The following CEP135 variants were observed in gnomAD, a reference collection of about 807,000 sequenced individuals.
The protein encoded by CEP135 is centrosomal protein 135, also known as centrosomal protein of 135 kDa.
Under a neutral mutation model 157.3 loss-of-function variants are expected in CEP135, and 142 were observed. The ratio of observed to expected loss-of-function variants is 0.90; its 90% CI spans 0.79 to 1.04. The LOEUF (loss-of-function observed/expected upper bound fraction) is 1.04. CEP135 is among the 50% of genes least tolerant of loss of function. The pLI, the probability that CEP135 is intolerant of heterozygous loss-of-function variation, is 0.00. For synonymous variants in CEP135, 396 were observed against 439.8 expected (o/e 0.90, Z 1.25); for missense variants, 1,317 against 1,309.2 (o/e 1.01, Z -0.09).
rs1728408312 is a variant in CEP135, at chr4:55,953,101, A to G, written c.130A>G (p.Thr44Ala). Reference sequence around the variant, plus strand: ...TTCTTTTAGCGACTTAGTTCATACAACTGAGAGCCTTCGGCAATCAAAATT... The same window carrying G: ...TTCTTTTAGCGACTTAGTTCATACAGCTGAGAGCCTTCGGCAATCAAAATT... ...EKLFSDLVHTTESLRQSKLSA... is the reference protein window; with the variant it reads ...EKLFSDLVHTAESLRQSKLSA... Residue 44 changes from threonine to alanine, a missense_variant, in exon 3 of 26, where the codon ACT becomes GCT. Physicochemically the swap from Thr to Ala is moderately conservative, Grantham distance 58. Coordinates refer to ENST00000257287, the MANE Select transcript of CEP135 (RefSeq NM_025009.5). 1.3e-6 allele frequency: 2 copies of G among 1,586,380 alleles called. No individual in the cohort carries two copies. Among genetic ancestry groups the G allele is most frequent in the South Asian group, 2.3e-5 (2 of 85,444 alleles).
chr4:56,019,708 G>A (rs541081777), intron 23 of CEP135, among the ~76,000 whole-genome samples, 153 bp downstream of exon 23: 11 of 152,104 alleles, frequency 7.2e-5, no homozygotes, highest in Non-Finnish European at 1.5e-4. Flanking sequence ...GGCCAAGGCG[G>A]GTAGATTGCC....
At chr4:56,008,406 C>G in intron 18 of CEP135, 24 bp downstream of exon 18, 4 of 1,581,518 alleles carry the variant, frequency 2.5e-6, no homozygotes. Flanking sequence ...GAAATTACAT[C>G]CAGCTTTTTA....
intron 14 of CEP135, among the ~76,000 whole-genome samples, chr4:55,985,917 G>A (rs894599219): frequency 2.6e-5 from 4 of 152,098 alleles, no homozygotes; most frequent in African/African-American, 9.7e-5. Flanking sequence ...TCCAGCCTGG[G>A]CAACAGAGCA....
chr4:55,999,379 C>T lies in CEP135; in HGVS notation c.2087C>T (p.Ser696Leu). The T allele has an allele frequency of 6.2e-7, 1 of 1,614,160 alleles. No individual in the cohort carries two copies. The highest frequency in any genetic ancestry group is 8.5e-7 in the Non-Finnish European group (1 of 1,180,018). Residue 696 changes from serine (S) to leucine (L), a missense_variant, in exon 16 of 26, where the codon TCA becomes TTA. Ser to Leu is a moderately radical substitution (Grantham distance 145). Transcript: ENST00000257287. ...TCCATAAAAAGAGGTGAACTTGAAT[C>T]AGCCCAAGCACAAATTAAAATACTG... ...RLSIKRGELESAQAQIKILEE... is the reference protein window; with the variant it reads ...RLSIKRGELELAQAQIKILEE...
At chr4:56,002,251 T>C (rs1335150701) in intron 17 of CEP135, among the ~76,000 whole-genome samples, 1 of 152,044 alleles carries the variant, frequency 6.6e-6, no homozygotes, top group Non-Finnish European at 1.5e-5. Context: ...TCTTGACTAA[T>C]TGTTCTGGCC....
chr4:55,954,588 T>G (rs1354799577), intron 4 of CEP135, among the ~76,000 whole-genome samples: 3 of 152,210 alleles, frequency 2.0e-5, no homozygotes, highest in Admixed American at 6.5e-5. Flanking sequence ...ATGTATGTAG[T>G]ATTAGTTACT....
chr4:56,005,273 A>G (rs1730315850), intron 17 of CEP135, among the ~76,000 whole-genome samples: 1 of 152,070 alleles, frequency 6.6e-6, no homozygotes, highest in Non-Finnish European at 1.5e-5. Flanking sequence ...CTACAAAAAT[A>G]AAAAAATTAG....
At chr4:55,982,612 AT>A in intron 13 of CEP135, among the ~76,000 whole-genome samples, 1 of 152,262 alleles carries the variant, frequency 6.6e-6, no homozygotes, top group Non-Finnish European at 1.5e-5. Context: ...CGATTTTTAA[AT>A]TGGGTTGTCT....
chr4:55,978,396 AAGG>A (rs1386754963), intron 11 of CEP135, among the ~76,000 whole-genome samples: 1 of 152,232 alleles, frequency 6.6e-6, no homozygotes, highest in Non-Finnish European at 1.5e-5. Context: ...GAGTATATAG[AAGG>A]AGATCTAAAT....
At chr4:55,970,774 G>A (rs758456942) in intron 9 of CEP135, among the ~76,000 whole-genome samples, 7 of 152,090 alleles carry the variant, frequency 4.6e-5, no homozygotes, top group Admixed American at 6.5e-5. Flanking sequence ...AGTACTTACC[G>A]TGGTGGACAT....
intron 24 of CEP135, among the ~76,000 whole-genome samples, chr4:56,024,281 C>G (rs1242547407): frequency 6.7e-6 from 1 of 149,876 alleles, no homozygotes; most frequent in Non-Finnish European, 1.5e-5. Context: ...TAAAATAATA[C>G]CTTAGAAGCA....
At chr4:56,026,634 C>G (rs1307757320) in intron 25 of CEP135, among the ~76,000 whole-genome samples, 1 of 152,120 alleles carries the variant, frequency 6.6e-6, no homozygotes, top group Non-Finnish European at 1.5e-5. Context: ...ACAAATAGTG[C>G]TATGGTTATA....
chr4:56,029,139 C>T (rs746077776), intron 25 of CEP135, among the ~76,000 whole-genome samples: 1 of 152,208 alleles, frequency 6.6e-6, no homozygotes, highest in Non-Finnish European at 1.5e-5. Flanking sequence ...GGCAAATTAT[C>T]AGGAAAGCAG....
intron 23 of CEP135, among the ~76,000 whole-genome samples, chr4:56,019,781 C>T (rs1371357017): frequency 7.2e-6 from 1 of 139,232 alleles, no homozygotes; most frequent in East Asian, 2.1e-4. Flanking sequence ...ACTAAAAATA[C>T]AAAAAAAAAA....
chr4:55,950,260 T>C (rs1418047549), intron 1 of CEP135, among the ~76,000 whole-genome samples: 1 of 152,206 alleles, frequency 6.6e-6, no homozygotes, highest in Non-Finnish European at 1.5e-5. Context: ...AAGAGTTACT[T>C]TCTTGAGGCA....
At chr4:55,994,100 C>T (rs553565296) in intron 15 of CEP135, among the ~76,000 whole-genome samples, 15 of 152,194 alleles carry the variant, frequency 9.9e-5, no homozygotes, top group East Asian at 5.8e-4. Flanking sequence ...AAGTCTAAAG[C>T]GAAACCAAAT....
In CEP135 at chr4:56,017,820, C is replaced by T. The variant is rs935772992; in HGVS notation, c.2975C>T (p.Thr992Ile). The T allele has an allele frequency of 6.2e-7, 1 of 1,613,186 alleles. No homozygotes were observed. The highest frequency in any genetic ancestry group is 1.3e-5 in the African/African-American group (1 of 74,996). Residue 992 changes from threonine (T) to isoleucine (I), a missense_variant, in exon 22 of 26, where the codon ACC becomes ATC. By Grantham distance (89) the Thr-to-Ile change is moderately conservative. Transcript: ENST00000257287. ...IKLDSGKDIM[T>I]QQLNSKNLEF... ...CTTGATTCAGGCAAAGATATTATGA[C>T]CCAGCAATTGAATTCGAAAAACCTT...
chr4:56,020,872 C>T (rs1730952627), intron 24 of CEP135, 92 bp downstream of exon 24: 2 of 944,286 alleles, frequency 2.1e-6, no homozygotes. Context: ...AAATAACAAA[C>T]TTTTTAAAAA....
chr4:55,995,468 G>T (rs940584290), intron 15 of CEP135, among the ~76,000 whole-genome samples: 2 of 152,162 alleles, frequency 1.3e-5, no homozygotes, highest in Non-Finnish European at 1.5e-5. Context: ...GTATTATCTC[G>T]CTTGGACACC....
Sources: gnomAD v4.1 joint callset for allele counts (sites outside exome capture counted in the v4.1 genomes callset) on GRCh38, gnomAD v4.1.1 for gene constraint, MANE v1.5 for transcripts, NCBI Gene and HGNC (gene_info 2026-07-23, HGNC 2026-07-21) for gene names.